Variants in COL13A1 observed in about 807,000 individuals in gnomAD.
COL13A1 encodes collagen alpha-1(XIII) chain.
A neutral mutation model predicts 130.9 loss-of-function variants in COL13A1; 89 were observed. That is an observed-to-expected ratio of 0.68 (90% CI 0.57 to 0.81). The LOEUF (loss-of-function observed/expected upper bound fraction) is 0.81, where lower values mean the gene tolerates loss of function less well. Ranked by LOEUF, COL13A1 falls within the 30% of genes least tolerant of loss-of-function variation. COL13A1 has a pLI of 0.00. For synonymous variants in COL13A1, 402 were observed against 341.6 expected (o/e 1.18, Z -1.95); for missense variants, 879 against 934.6 (o/e 0.94, Z 0.78).
At position 69,919,083 on chromosome 10, in the gene COL13A1, A is replaced by T. The variant is rs772104276; in HGVS notation, c.1021A>T (p.Thr341Ser). 3.7e-6 allele frequency: 6 copies of T among 1,614,046 alleles called. No homozygotes were observed. Among genetic ancestry groups the T allele is most frequent in the Non-Finnish European group, 5.1e-6 (6 of 1,179,872 alleles). The change falls in exon 20 of 41, where the codon ACC (threonine) becomes TCC (serine). Residue 341 changes from threonine (T) to serine (S), a missense_variant. This residue lies in a region of COL13A1 where 715 missense variants were observed against 721.0 expected (regional missense o/e 0.99). Coordinates refer to ENST00000645393, the MANE Select transcript of COL13A1 (RefSeq NM_001368882.1). ...ACAGGGTGAGCCAGGGATCCCAGGA[A>T]CCAAGGTACTGATGCAGAGAGAATG... is the stretch of plus-strand genomic sequence containing the variant. ...GMKGEPGIPG[T>S]KGDPGAEGKP...
chr10:69,926,816 G>A (rs1447412468), intron 26 of COL13A1, among the ~76,000 whole-genome samples: 1 of 152,176 alleles, frequency 6.6e-6, no homozygotes, highest in Non-Finnish European at 1.5e-5. Flanking sequence ...AGTCCATTTA[G>A]GGTGTGCCTG....
At chr10:69,951,822 C>T (rs183199840) in intron 38 of COL13A1, among the ~76,000 whole-genome samples, 1 of 152,314 alleles carries the variant, frequency 6.6e-6, no homozygotes, top group Admixed American at 6.5e-5. Context: ...TTCAGTGTCA[C>T]CCTGGAGTGA....
chr10:69,819,261 C>T (rs1319725287), intron 1 of COL13A1, among the ~76,000 whole-genome samples: 8 of 152,140 alleles, frequency 5.3e-5, no homozygotes, highest in Non-Finnish European at 8.8e-5. Context: ...GCCTGTTGCA[C>T]GGGTCAGTGA....
chr10:69,817,687 G>A (rs575703639), intron 1 of COL13A1, among the ~76,000 whole-genome samples: 7 of 152,132 alleles, frequency 4.6e-5, no homozygotes, highest in Middle Eastern at 3.4e-3. Flanking sequence ...GCAGTGGAGG[G>A]TGCAGACAGG....
At chr10:69,846,965 C>T (rs1266613062) in intron 2 of COL13A1, among the ~76,000 whole-genome samples, 1 of 152,224 alleles carries the variant, frequency 6.6e-6, no homozygotes, top group Non-Finnish European at 1.5e-5. Context: ...TAGGGGCTCA[C>T]CCCAGGGTGC....
chr10:69,815,776 G>C (rs1171770994), intron 1 of COL13A1, among the ~76,000 whole-genome samples: 1 of 152,134 alleles, frequency 6.6e-6, no homozygotes, highest in African/African-American at 2.4e-5. Context: ...CCTACTATGT[G>C]CCAAGCCCTG....
Position 69,940,990 on chromosome 10 carries a change from A to G in COL13A1, c.1881A>G (p.Gly627=). The G allele has an allele frequency of 1.2e-6, 2 of 1,613,410 alleles. No homozygotes were observed. The highest frequency in any genetic ancestry group is 1.7e-6 in the Non-Finnish European group (2 of 1,179,760). ...GTCAAACTGTGCCCTTCGTCCAGGGAGCTTCAGGTTTGGACGGCAGGCCTG... is the reference window on the plus strand; with the variant it reads ...GTCAAACTGTGCCCTTCGTCCAGGGGGCTTCAGGTTTGGACGGCAGGCCTG... ...KGDRGPLGLP[G]ASGLDGRPGP... The change falls in exon 35 of 41, where the codon GGA becomes GGG. Residue 627 remains glycine, a splice_region_variant and synonymous_variant. Transcript: ENST00000645393.
chr10:69,940,870 G>C, intron 34 of COL13A1, 118 bp from the exon 35 acceptor site: 1 of 1,361,312 alleles, frequency 7.3e-7, no homozygotes, highest in Non-Finnish European at 1.0e-6. Flanking sequence ...TTGATTACCA[G>C]CATTTATGTC....
chr10:69,845,024 G>T (rs543975911), intron 2 of COL13A1, among the ~76,000 whole-genome samples: 27 of 152,178 alleles, frequency 1.8e-4, no homozygotes, highest in Middle Eastern at 3.4e-3. Flanking sequence ...CTATGTTAAG[G>T]TCCTGTACTT....
chr10:69,927,065 T>C (rs1565088524), intron 26 of COL13A1, 22 bp from the exon 27 acceptor site: 1 of 1,613,720 alleles, frequency 6.2e-7, no homozygotes, highest in African/African-American at 1.3e-5. Flanking sequence ...CTTCAACTGA[T>C]TGCCTGGTGT....
chr10:69,867,698 C>CCCT, intron 2 of COL13A1, 100 bp from the exon 3 acceptor site: 2 of 695,928 alleles, frequency 2.9e-6, no homozygotes, highest in Non-Finnish European at 5.4e-6. Flanking sequence ...AGATGGAAAC[C>CCCT]CCTCCGCTGA....
At chr10:69,898,847 C>A in intron 14 of COL13A1, 85 bp downstream of exon 14, 1 of 1,044,290 alleles carries the variant, frequency 9.6e-7, no homozygotes, top group Non-Finnish European at 1.4e-6. Context: ...AAGCCAGAAC[C>A]TCTCTCTAAT....
At chr10:69,862,977 G>A (rs1858612263) in intron 2 of COL13A1, among the ~76,000 whole-genome samples, 1 of 152,206 alleles carries the variant, frequency 6.6e-6, no homozygotes, top group African/African-American at 2.4e-5. Flanking sequence ...AGGCCAAACT[G>A]TAGAAGAATG....
chr10:69,839,473 G>A lies in COL13A1; in HGVS notation c.364+17035G>A, dbSNP rs558209150. On this transcript the variant is annotated intron_variant, in intron 2 of 40. Transcript: ENST00000645393. ...TATTTAAGGCTGACCATGTGATCCA[G>A]GGGATATTTTCGATAGGGCATTGTG... Among the ~76,000 whole-genome samples the A allele has an allele frequency of 6.6e-5, 10 of 152,330 alleles. No homozygotes were observed. In the South Asian group the frequency reaches 1.9e-3, roughly 28 times the overall value.
intron 6 of COL13A1, among the ~76,000 whole-genome samples, chr10:69,879,676 G>A (rs2059938511): frequency 6.6e-6 from 1 of 152,200 alleles, no homozygotes; most frequent in Admixed American, 6.5e-5. Context: ...GAGGTATGTG[G>A]GCTCAGAGAG....
chr10:69,941,811 A>T, intron 35 of COL13A1, among the ~76,000 whole-genome samples: 1 of 152,132 alleles, frequency 6.6e-6, no homozygotes, highest in East Asian at 1.9e-4. Context: ...CCCTCCCGTG[A>T]GCGCCCTCTG....
chr10:69,802,319 C>T lies in COL13A1; in HGVS notation c.-105C>T. 4.8e-6 allele frequency: 6 copies of T among 1,251,076 alleles called. No homozygotes were observed. Among genetic ancestry groups the T allele is most frequent in the Non-Finnish European group, 6.2e-6 (6 of 967,538 alleles). The allele number at this position is 1,251,076 out of a possible 1,614,324, so 77.5% of individuals were successfully genotyped here. On this transcript the variant is annotated 5_prime_UTR_variant, in exon 1 of 41. Transcript: ENST00000645393. The stretch of plus-strand genomic sequence containing the variant: ...CGGAAAGGGACGTTTTCCAGCGATA[C>T]AAGCCCTTTCCCCCTGCCCCGCAGT...
chr10:69,856,079 C>T (rs918495252), intron 2 of COL13A1, among the ~76,000 whole-genome samples: 5 of 152,172 alleles, frequency 3.3e-5, no homozygotes, highest in Admixed American at 6.5e-5. Flanking sequence ...CTGTGTATTG[C>T]GAATTAGCAG....
intron 7 of COL13A1, among the ~76,000 whole-genome samples, chr10:69,881,782 T>G (rs2060165598): frequency 6.6e-6 from 1 of 152,216 alleles, no homozygotes; most frequent in Non-Finnish European, 1.5e-5. Flanking sequence ...ATTCACTCAC[T>G]TAATCCTCAC....
Sources: gnomAD v4.1 joint callset for allele counts (sites outside exome capture counted in the v4.1 genomes callset) on GRCh38, gnomAD v4.1.1 for gene constraint, gnomAD v4.1.1 regional missense constraint, MANE v1.5 for transcripts, NCBI Gene and HGNC (gene_info 2026-07-23, HGNC 2026-07-21) for gene names.